The following IQSEC1 variants were observed in gnomAD, a reference collection of about 807,000 sequenced individuals.
IQSEC1 encodes the protein IQ motif and SEC7 domain-containing protein 1.
A neutral mutation model predicts 91.0 loss-of-function variants in IQSEC1; 31 were observed. That is an observed-to-expected ratio of 0.34 (90% CI 0.26 to 0.46). The LOEUF is 0.46. Among genes scored for constraint, IQSEC1 ranks in the 20% least tolerant of loss-of-function variants. The pLI, the probability that IQSEC1 is intolerant of heterozygous loss-of-function variation, is 1.00. For missense variants in IQSEC1, 1,388 were observed against 1,575.6 expected, an observed-to-expected ratio of 0.88 and a Z score of 2.02; for synonymous variants, 699 against 662.6, an observed-to-expected ratio of 1.05 and a Z score of -0.84.
rs1701339783 is a variant in IQSEC1 at position 12,979,234 on chromosome 3, G to T, written c.24-37369C>A. On this transcript the variant is annotated intron_variant, in intron 1 of 13. Coordinates refer to ENST00000613206, the MANE Select transcript of IQSEC1 (RefSeq NM_001134382.3). The surrounding 1 kb of genome is among the most constrained non-coding windows in gnomAD (Gnocchi z 4.3). ...CTAAGCATAAATTGAATTTTCCCAT[G>T]AAAATAAATCAACAAAAACAAAATG... Among the ~76,000 whole-genome samples, 1 of 152,204 alleles carries T rather than the reference G, an allele frequency of 6.6e-6. No individual in the cohort carries two copies. Among genetic ancestry groups the T allele is most frequent in the South Asian group, 2.1e-4 (1 of 4,828 alleles).
chr3:13,097,556 C>T (rs559775654), intron 2 of IQSEC1, among the ~76,000 whole-genome samples: 15 of 152,176 alleles, frequency 9.9e-5, no homozygotes, highest in Non-Finnish European at 1.6e-4. Context: ...GGGGCTGGGC[C>T]CCTCAGCTCT....
chr3:13,053,707 C>T (rs1171427547), intron 1 of IQSEC1, among the ~76,000 whole-genome samples: 1 of 152,122 alleles, frequency 6.6e-6, no homozygotes, highest in Non-Finnish European at 1.5e-5. Context: ...GGCAGGGACG[C>T]CTCAGACTGC....
intron 1 of IQSEC1, among the ~76,000 whole-genome samples, chr3:13,192,294 C>T (rs1469273045): frequency 6.7e-6 from 1 of 149,474 alleles, no homozygotes; most frequent in Non-Finnish European, 1.5e-5. Context: ...GTCGAGATCG[C>T]ACCACTGCAC....
intron 1 of IQSEC1, among the ~76,000 whole-genome samples, chr3:13,246,652 CCTGT>C (rs1445914062): frequency 6.6e-6 from 1 of 152,216 alleles, no homozygotes. Flanking sequence ...GTCTGAGCTA[CCTGT>C]GCCCTGCTCT....
intron 1 of IQSEC1, among the ~76,000 whole-genome samples, chr3:13,000,506 G>A (rs1027676529): frequency 3.3e-5 from 5 of 152,218 alleles, no homozygotes; most frequent in African/African-American, 1.2e-4. Flanking sequence ...CTACCATGCT[G>A]TTCTGTGGTC....
chr3:13,083,610 C>A (rs556339292), intron 2 of IQSEC1, among the ~76,000 whole-genome samples: 1 of 152,278 alleles, frequency 6.6e-6, no homozygotes, highest in Non-Finnish European at 1.5e-5. Flanking sequence ...TCGGGGCCTG[C>A]GTTGCAGTCA....
intron 1 of IQSEC1, among the ~76,000 whole-genome samples, chr3:13,174,942 C>T (rs2125007367): frequency 6.6e-6 from 1 of 152,236 alleles, no homozygotes; most frequent in Middle Eastern, 3.4e-3. Context: ...GCCCTGGCTC[C>T]TGCTGGTCCC....
chr3:13,040,492 C>T (rs934249911), intron 1 of IQSEC1, among the ~76,000 whole-genome samples: 3 of 152,186 alleles, frequency 2.0e-5, no homozygotes, highest in Admixed American at 1.3e-4. Flanking sequence ...GGACAAAGAG[C>T]GCTCTCACGG....
At chr3:13,108,889 C>A (rs1460492840) in intron 2 of IQSEC1, among the ~76,000 whole-genome samples, 1 of 152,224 alleles carries the variant, frequency 6.6e-6, no homozygotes, top group South Asian at 2.1e-4. Context: ...GGGGGACCTG[C>A]AGGTCATGGC....
intron 1 of IQSEC1, among the ~76,000 whole-genome samples, chr3:13,223,778 T>C (rs1271779945): frequency 2.0e-5 from 3 of 151,008 alleles, no homozygotes; most frequent in African/African-American, 7.4e-5. Flanking sequence ...TTCCAGACTT[T>C]ACACCTGGCC....
At chr3:13,184,994 A>G (rs1693906486) in intron 1 of IQSEC1, among the ~76,000 whole-genome samples, 1 of 152,184 alleles carries the variant, frequency 6.6e-6, no homozygotes. Context: ...CTCCACACAG[A>G]CAAACAGACA....
chr3:13,039,701 TA>T (rs1240671274), intron 1 of IQSEC1, among the ~76,000 whole-genome samples: 34 of 152,232 alleles, frequency 2.2e-4, no homozygotes. Context: ...GTGACTTTTC[TA>T]AGCTCCCTGC....
At chr3:13,169,892 C>T (rs1010152713) in intron 1 of IQSEC1, among the ~76,000 whole-genome samples, 11 of 152,198 alleles carry the variant, frequency 7.2e-5, no homozygotes, top group African/African-American at 2.4e-4. Context: ...GGGAGATTTG[C>T]AGCCTGACAA....
intron 2 of IQSEC1, among the ~76,000 whole-genome samples, chr3:13,120,086 C>T (rs1317449117): frequency 6.6e-6 from 1 of 152,224 alleles, no homozygotes; most frequent in Non-Finnish European, 1.5e-5. Context: ...GGCACAGGGA[C>T]ACCTGGGGAG....
chr3:13,055,199 C>T (rs1446671024), intron 1 of IQSEC1, among the ~76,000 whole-genome samples: 4 of 152,250 alleles, frequency 2.6e-5, no homozygotes, highest in African/African-American at 4.8e-5. Context: ...GAGCTCAGCC[C>T]GCCTGTGTCT....
At chr3:13,134,926 G>A (rs879509339) in intron 2 of IQSEC1, among the ~76,000 whole-genome samples, 8 of 152,096 alleles carry the variant, frequency 5.3e-5, no homozygotes, top group Admixed American at 2.6e-4. Context: ...TCCAGGGCTC[G>A]GGACAGAGCT....
Position 12,900,380 on chromosome 3 carries a change from C to G in IQSEC1, c.*603G>C, listed in dbSNP as rs995487582. The G allele has an allele frequency of 1.0e-6, 1 of 984,676 alleles. No individual in the cohort carries two copies. The highest frequency in any genetic ancestry group is 1.8e-5 in the African/African-American group (1 of 57,054). 61.0% of individuals were successfully genotyped at this position (984,676 alleles called of 1,614,324 possible). A position where few individuals can be genotyped will look rare whatever the true frequency, so the allele number is the denominator to read the frequency against. ...CTGTCTTCCTATTAGGTAAGTGGAG[C>G]TCCTTGTAAGGTGGGTATTGCTAAT... is the stretch of plus-strand genomic sequence containing the variant. On this transcript the variant is annotated 3_prime_UTR_variant, in exon 14 of 14. Coordinates refer to ENST00000613206, the MANE Select transcript of IQSEC1 (RefSeq NM_001134382.3).
At chr3:13,095,626 G>A (rs1288357802) in intron 2 of IQSEC1, among the ~76,000 whole-genome samples, 4 of 152,110 alleles carry the variant, frequency 2.6e-5, no homozygotes, top group South Asian at 2.1e-4. Flanking sequence ...TGGGTGGCTC[G>A]GTGGGGACGC....
intron 1 of IQSEC1, among the ~76,000 whole-genome samples, chr3:13,048,233 C>A (rs1379217644): frequency 6.6e-6 from 1 of 152,222 alleles, no homozygotes. Flanking sequence ...ACGAATGCAT[C>A]TGAAAGGACT....
Sources: allele counts gnomAD v4.1 joint callset (sites outside exome capture counted in the v4.1 genomes callset), GRCh38; gene constraint gnomAD v4.1.1; non-coding constraint Gnocchi (gnomAD v3.1); transcripts MANE v1.5; gene names NCBI Gene and HGNC (gene_info 2026-07-23, HGNC 2026-07-21).